DPYD: variants seen among roughly 807,000 people sequenced by gnomAD.
DPYD encodes the protein dihydropyrimidine dehydrogenase [NADP(+)].
Under a neutral mutation model 116.2 loss-of-function variants are expected in DPYD, and 109 were observed. The observed-to-expected ratio is 0.94, with a 90% CI of 0.80 to 1.10. The LOEUF (loss-of-function observed/expected upper bound fraction) is 1.10. Among genes scored for constraint, DPYD ranks in the 50% least tolerant of loss-of-function variants. DPYD has a pLI of 0.00. For synonymous variants in DPYD, 440 were observed against 432.0 expected, an observed-to-expected ratio of 1.02 and a Z score of -0.23; for missense variants, 1,302 against 1,254.5, an observed-to-expected ratio of 1.04 and a Z score of -0.57.
At chr1:97,397,092 A>G (rs1673051164) in intron 14 of DPYD, among the ~76,000 whole-genome samples, 1 of 152,088 alleles carries the variant, frequency 6.6e-6, no homozygotes, top group Non-Finnish European at 1.5e-5. Flanking sequence ...AATGTAATTT[A>G]GTAAATGTTG....
intron 4 of DPYD, among the ~76,000 whole-genome samples, chr1:97,725,242 A>T (rs925156566): frequency 3.3e-5 from 5 of 151,700 alleles, no homozygotes; most frequent in Admixed American, 2.0e-4. Context: ...TATATGTATT[A>T]AAAACTGTAA....
intron 14 of DPYD, among the ~76,000 whole-genome samples, chr1:97,423,623 A>T (rs1162479191): frequency 7.2e-5 from 11 of 152,096 alleles, no homozygotes; most frequent in Non-Finnish European, 2.9e-5. Flanking sequence ...CAGATTGAAT[A>T]GGTCCATTTT....
chr1:97,546,547 G>C lies in DPYD; in HGVS notation c.1524+3013C>G, dbSNP rs944676277. 1.9e-6 allele frequency: 3 copies of C among 1,599,030 alleles called. No individual in the cohort carries two copies. In the African/African-American group the frequency reaches 4.0e-5, roughly 21 times the overall value. On this transcript the variant is annotated intron_variant, in intron 12 of 22. Coordinates refer to ENST00000370192, the MANE Select transcript of DPYD (RefSeq NM_000110.4). ...AGAATTACTACAAAGCATACAGCAA[G>C]AAGAGAGCGCTCTATTGGAAACCAA...
At chr1:97,703,799 G>A (rs1163501698) in intron 5 of DPYD, among the ~76,000 whole-genome samples, 2 of 151,988 alleles carry the variant, frequency 1.3e-5, no homozygotes, top group Non-Finnish European at 2.9e-5. Context: ...AAATAATTTA[G>A]AGGCAGTGAG....
intron 20 of DPYD, among the ~76,000 whole-genome samples, chr1:97,174,367 C>T (rs553419810): frequency 2.4e-4 from 37 of 152,312 alleles, no homozygotes; most frequent in African/African-American, 8.7e-4. Context: ...TGTGACACCA[C>T]ATCCACTACC....
At chr1:97,466,786 C>T (rs1010438863) in intron 13 of DPYD, among the ~76,000 whole-genome samples, 10 of 152,146 alleles carry the variant, frequency 6.6e-5, no homozygotes, top group Admixed American at 2.0e-4. Flanking sequence ...AGTACTAAAC[C>T]TACCTGCCTA....
At chr1:97,471,974 AG>A (rs889302806) in intron 13 of DPYD, among the ~76,000 whole-genome samples, 10 of 152,262 alleles carry the variant, frequency 6.6e-5, no homozygotes, top group Admixed American at 2.0e-4. Context: ...ATGTAAAAAA[AG>A]AGACAGGTTT....
chr1:97,331,293 G>A (rs1384599470), intron 16 of DPYD, among the ~76,000 whole-genome samples: 1 of 152,082 alleles, frequency 6.6e-6, no homozygotes, highest in Non-Finnish European at 1.5e-5. Context: ...ACGTAACAAA[G>A]ACCTCTTCTC....
chr1:97,823,681 T>C (rs1669082467), intron 3 of DPYD, among the ~76,000 whole-genome samples: 1 of 152,062 alleles, frequency 6.6e-6, no homozygotes, highest in South Asian at 2.1e-4. Flanking sequence ...CTTTTTTTTT[T>C]ATTATTGGAA....
chr1:97,261,581 C>A (rs1205674629), intron 18 of DPYD, among the ~76,000 whole-genome samples: 1 of 147,810 alleles, frequency 6.8e-6, no homozygotes, highest in Non-Finnish European at 1.5e-5. Flanking sequence ...GGAAATTGTG[C>A]CAAATGACTA....
intron 11 of DPYD, among the ~76,000 whole-genome samples, chr1:97,558,638 C>T (rs1651917532): frequency 6.6e-6 from 1 of 152,146 alleles, no homozygotes; most frequent in South Asian, 2.1e-4. Flanking sequence ...TTCTCCCTCA[C>T]CCTATTCAGG....
chr1:97,761,329 TA>T (rs1665564056), intron 3 of DPYD, among the ~76,000 whole-genome samples: 2 of 152,180 alleles, frequency 1.3e-5, no homozygotes, highest in South Asian at 4.1e-4. Flanking sequence ...AAAACGTCTT[TA>T]AAATTACTGT....
chr1:97,389,410 A>G (rs1280451176), intron 14 of DPYD, among the ~76,000 whole-genome samples: 1 of 148,052 alleles, frequency 6.8e-6, no homozygotes, highest in East Asian at 2.0e-4. Context: ...ATCAGTGTTG[A>G]TAATATTTAT....
At chr1:97,101,378 C>CA (rs985709558) in intron 20 of DPYD, among the ~76,000 whole-genome samples, 6 of 125,754 alleles carry the variant, frequency 4.8e-5, no homozygotes, top group East Asian at 2.5e-4. Flanking sequence ...TTTCCGAAAA[C>CA]AAAAAAACAT....
chr1:97,112,319 A>T (rs1262793650), intron 20 of DPYD, among the ~76,000 whole-genome samples: 1 of 152,160 alleles, frequency 6.6e-6, no homozygotes, highest in Non-Finnish European at 1.5e-5. Flanking sequence ...TTTCACATTT[A>T]GACTGCATAC....
chr1:97,722,802 T>TGG (rs1662998274), intron 4 of DPYD, among the ~76,000 whole-genome samples: 1 of 151,548 alleles, frequency 6.6e-6, no homozygotes, highest in African/African-American at 2.4e-5. Flanking sequence ...AGACTTTTAT[T>TGG]TACTCTTAGC....
intron 18 of DPYD, among the ~76,000 whole-genome samples, chr1:97,257,876 T>C (rs560250041): frequency 1.6e-4 from 24 of 152,236 alleles, no homozygotes; most frequent in South Asian, 2.1e-4. Context: ...TTATAATGTA[T>C]GTTAATGACT....
At chr1:97,894,334 A>G (rs1299999853) in intron 1 of DPYD, among the ~76,000 whole-genome samples, 1 of 151,778 alleles carries the variant, frequency 6.6e-6, no homozygotes, top group African/African-American at 2.4e-5. Flanking sequence ...ATCTTCAAAT[A>G]CCACACATTG....
At chr1:97,323,379 T>C (rs543198034) in intron 16 of DPYD, among the ~76,000 whole-genome samples, 11 of 117,134 alleles carry the variant, frequency 9.4e-5, no homozygotes, top group African/African-American at 2.7e-4. Flanking sequence ...TACATGTGTA[T>C]ATGTACACGT....
Sources: gnomAD v4.1 joint callset for allele counts (sites outside exome capture counted in the v4.1 genomes callset) on GRCh38, gnomAD v4.1.1 for gene constraint, MANE v1.5 for transcripts, NCBI Gene and HGNC (gene_info 2026-07-23, HGNC 2026-07-21) for gene names.